Variants in HYAL4 observed in about 807,000 individuals in gnomAD.
HYAL4 encodes hyaluronidase 4, also known as hyaluronidase-4.
A neutral mutation model predicts 35.2 loss-of-function variants in HYAL4; 37 were observed. That is an observed-to-expected ratio of 1.05 (90% CI 0.81 to 1.38). The LOEUF is 1.38. HYAL4 is among the 40% of genes most tolerant of loss of function. The probability of loss-of-function intolerance (pLI) is 0.00; values close to 1 mark genes in which losing one functional copy is unlikely to be tolerated. For missense variants in HYAL4, 572 were observed against 572.4 expected (o/e 1.00, Z 0.01); for synonymous variants, 198 against 203.2 (o/e 0.97, Z 0.22).
chr7:123,763,997 T>C, the HYAL4 span, among the ~76,000 whole-genome samples: 1 of 152,206 alleles, frequency 6.6e-6, no homozygotes, highest in Non-Finnish European at 1.5e-5. Context: ...TTTGTTGTTG[T>C]TTTTTGAGAC....
chr7:123,874,679 A>G, intron 3 of HYAL4, 82 bp from the exon 4 acceptor site: 2 of 788,966 alleles, frequency 2.5e-6, no homozygotes, highest in Non-Finnish European at 2.2e-6. Flanking sequence ...TGCTGGGATT[A>G]CAGGCGTGAG....
At chr7:123,798,931 TC>T in the HYAL4 span, among the ~76,000 whole-genome samples, 1 of 152,102 alleles carries the variant, frequency 6.6e-6, no homozygotes, top group African/African-American at 2.4e-5. Flanking sequence ...GTAACTGTGA[TC>T]AGATTAGATA....
chr7:123,799,514 C>A, the HYAL4 span, among the ~76,000 whole-genome samples: 1 of 151,286 alleles, frequency 6.6e-6, no homozygotes, highest in African/African-American at 2.4e-5. Flanking sequence ...TGAGGCTGGG[C>A]ACAGTGGCAC....
At chr7:123,834,086 G>A (rs1354302567) in intron 1 of HYAL4, among the ~76,000 whole-genome samples, 3 of 151,922 alleles carry the variant, frequency 2.0e-5, no homozygotes, top group Admixed American at 2.0e-4. Flanking sequence ...TGGTTCCGTA[G>A]GAATTTTAGG....
intron 2 of HYAL4, among the ~76,000 whole-genome samples, chr7:123,865,174 T>C: frequency 6.6e-6 from 1 of 152,126 alleles, no homozygotes; most frequent in Non-Finnish European, 1.5e-5. Context: ...GGGGAAACAA[T>C]AGTCAGTGGA....
At chr7:123,802,571 C>T in the HYAL4 span, among the ~76,000 whole-genome samples, 1 of 151,974 alleles carries the variant, frequency 6.6e-6, no homozygotes, top group Admixed American at 6.6e-5. Context: ...ATATCTAACC[C>T]ACATTGTAAA....
the HYAL4 span, among the ~76,000 whole-genome samples, chr7:123,770,397 G>A: frequency 2.0e-5 from 3 of 148,404 alleles, no homozygotes; most frequent in Non-Finnish European, 4.4e-5. Context: ...AGCAGAGATC[G>A]CGCCACTGCA....
chr7:123,874,857 CA>C lies in HYAL4; in HGVS notation c.1044+8del. ...GAATTTAACTGCATCCAAGGTAAGT[CA>C]GTATCTTGAAGGTATATTTAATGTT... On this transcript the variant is annotated splice_region_variant and intron_variant, in intron 4 of 4. Transcript: ENST00000223026. The C allele has an allele frequency of 6.8e-7, 1 of 1,475,992 alleles. No individual in the cohort carries two copies. Among genetic ancestry groups the C allele is most frequent in the Non-Finnish European group, 9.5e-7 (1 of 1,053,722 alleles). 91.4% of individuals were successfully genotyped at this position (1,475,992 alleles called of 1,614,324 possible).
chr7:123,819,040 C>A, the HYAL4 span, among the ~76,000 whole-genome samples: 77 of 152,248 alleles, frequency 5.1e-4, no homozygotes, highest in African/African-American at 1.8e-3. Context: ...ACTTATTCCT[C>A]CTATCTAATT....
At chr7:123,831,187 G>A (rs1793202889) in intron 1 of HYAL4, among the ~76,000 whole-genome samples, 1 of 152,162 alleles carries the variant, frequency 6.6e-6, no homozygotes, top group Non-Finnish European at 1.5e-5. Flanking sequence ...TAGTTCTCAT[G>A]GGAATGAGTG....
At chr7:123,823,105 G>A in the HYAL4 span, among the ~76,000 whole-genome samples, 126,473 of 152,162 alleles carry the variant, frequency 0.83, 52,663 homozygotes, top group Non-Finnish European at 0.86. Context: ...TGTGGCCTTT[G>A]TATGTTATGG....
At chr7:123,869,827 A>T (rs1806823798) in intron 3 of HYAL4, among the ~76,000 whole-genome samples, 3 of 146,146 alleles carry the variant, frequency 2.1e-5, no homozygotes, top group Non-Finnish European at 3.0e-5. Context: ...AGCTGGGTTT[A>T]CAGGTGCTCA....
chr7:123,845,006 T>G (rs1475209202), upstream of HYAL4: 1 of 152,124 alleles, frequency 6.6e-6, no homozygotes, highest in East Asian at 1.9e-4. Context: ...CCCGCCTGCT[T>G]CAGCTCGCCC....
chr7:123,828,799 G>C (rs1805837937), upstream of HYAL4, among the ~76,000 whole-genome samples: 1 of 152,132 alleles, frequency 6.6e-6, no homozygotes, highest in Admixed American at 6.6e-5. Flanking sequence ...TTACTCACAT[G>C]ACCCTATAAA....
chr7:123,855,412 C>G (rs1362361160), intron 2 of HYAL4, among the ~76,000 whole-genome samples: 1 of 152,136 alleles, frequency 6.6e-6, no homozygotes, highest in Non-Finnish European at 1.5e-5. Context: ...AACAAAATCC[C>G]TCAGCGTTTG....
At chr7:123,786,012 CT>C in the HYAL4 span, among the ~76,000 whole-genome samples, 1 of 152,170 alleles carries the variant, frequency 6.6e-6, no homozygotes, top group Non-Finnish European at 1.5e-5. Context: ...AATCACCTCT[CT>C]TTTCTGAGCG....
At chr7:123,827,867 ATAAT>A (rs1467199630), upstream of HYAL4, among the ~76,000 whole-genome samples, 3 of 152,200 alleles carry the variant, frequency 2.0e-5, no homozygotes, top group Non-Finnish European at 2.9e-5. Context: ...GATAAAATAA[ATAAT>A]TAAATGCTAA....
the HYAL4 span, among the ~76,000 whole-genome samples, chr7:123,797,345 C>T: frequency 1.3e-5 from 2 of 152,110 alleles, no homozygotes; most frequent in African/African-American, 2.4e-5. Flanking sequence ...GGTAAAATTC[C>T]AGAACAGGTC....
the HYAL4 span, among the ~76,000 whole-genome samples, chr7:123,818,848 C>A: frequency 1.3e-5 from 2 of 152,076 alleles, no homozygotes; most frequent in African/African-American, 4.8e-5. Context: ...TTATCATATA[C>A]AACATAATGT....
Sources: gnomAD v4.1 joint callset for allele counts (sites outside exome capture counted in the v4.1 genomes callset) on GRCh38, gnomAD v4.1.1 for gene constraint, MANE v1.5 for transcripts, NCBI Gene and HGNC (gene_info 2026-07-23, HGNC 2026-07-21) for gene names.